The following NR3C2 variants were observed in gnomAD, a reference collection of about 807,000 sequenced individuals.
NR3C2 encodes the protein nuclear receptor subfamily 3 group C member 2.
A neutral mutation model predicts 86.4 loss-of-function variants in NR3C2; 15 were observed. The ratio of observed to expected loss-of-function variants is 0.17; its 90% CI spans 0.12 to 0.27. NR3C2 has a LOEUF of 0.27. Ranked by LOEUF, NR3C2 falls within the 10% of genes least tolerant of loss-of-function variation. The pLI is 1.00. For synonymous variants in NR3C2, 458 were observed against 450.5 expected (o/e 1.02, Z -0.21); for missense variants, 960 against 1,195.6 (o/e 0.80, Z 2.91).
Position 148,356,492 on chromosome 4 carries a change from C to T in NR3C2, c.1757+78612G>A, listed in dbSNP as rs72656858. Among the ~76,000 whole-genome samples the T allele has an allele frequency of 3.0e-3, 462 of 152,298 alleles. 1 individual carries two copies. The highest frequency in any genetic ancestry group is 8.0e-3 in the Admixed American group (123 of 15,296). ...TGTAGTGCCATTCATAAAGGTGTCA[C>T]ATCTATGCTATACTGTATTAAGCCA... On this transcript the variant is annotated intron_variant, in intron 2 of 8. Transcript: ENST00000358102.
intron 1 of NR3C2, among the ~76,000 whole-genome samples, chr4:148,437,778 C>T (rs540343266): frequency 1.3e-5 from 2 of 152,130 alleles, no homozygotes; most frequent in Non-Finnish European, 2.9e-5. Context: ...CAAGTGCCTG[C>T]TACACCCTTG....
intron 2 of NR3C2, among the ~76,000 whole-genome samples, chr4:148,280,828 T>C (rs1309426082): frequency 6.6e-6 from 1 of 152,232 alleles, no homozygotes; most frequent in Non-Finnish European, 1.5e-5. Context: ...AGAATGCGTA[T>C]ACACCTGTGC....
chr4:148,366,878 G>A (rs1200986528), intron 2 of NR3C2, among the ~76,000 whole-genome samples: 1 of 152,112 alleles, frequency 6.6e-6, no homozygotes, highest in African/African-American at 2.4e-5. Context: ...TAAGAGAATA[G>A]CTAGATGTAT....
At chr4:148,251,724 A>AT (rs892875955) in intron 3 of NR3C2, among the ~76,000 whole-genome samples, 24 of 152,124 alleles carry the variant, frequency 1.6e-4, no homozygotes, top group African/African-American at 5.3e-4. Flanking sequence ...AGTAATGGTA[A>AT]TTTTTTTTAT....
rs565358914 is a variant in NR3C2, at chr4:148,321,809, T to C, written c.1758-61692A>G. The stretch of plus-strand genomic sequence containing the variant: ...GATGGGTTTCCTGAATACAGCACAC[T>C]GTTGGGTCTTGACTCTTTATGCAAT... On this transcript the variant is annotated intron_variant, in intron 2 of 8. Transcript: ENST00000358102. Among the ~76,000 whole-genome samples, 80 of 152,364 alleles carry C rather than the reference T, an allele frequency of 5.3e-4. 3 individuals are homozygous for C. Among genetic ancestry groups the C allele is most frequent in the Admixed American group, 4.9e-3 (75 of 15,310 alleles).
chr4:148,136,056 CAAAAAAA>C (rs199716496), intron 6 of NR3C2, among the ~76,000 whole-genome samples: 2 of 71,182 alleles, frequency 2.8e-5, no homozygotes, highest in Admixed American at 1.4e-4. Context: ...GACTCCGTCT[CAAAAAAA>C]AAAAAAAAAA....
At chr4:148,309,633 T>C (rs1742810475) in intron 2 of NR3C2, among the ~76,000 whole-genome samples, 1 of 152,030 alleles carries the variant, frequency 6.6e-6, no homozygotes, top group Non-Finnish European at 1.5e-5. Flanking sequence ...ATTTTGCCCT[T>C]AAAAAACCCA....
chr4:148,090,651 G>T (rs1186706800), intron 8 of NR3C2, among the ~76,000 whole-genome samples: 2 of 152,184 alleles, frequency 1.3e-5, no homozygotes, highest in Non-Finnish European at 2.9e-5. Flanking sequence ...GCATCACCCA[G>T]GAGATGCTGA....
At chr4:148,166,531 A>G (rs980976573) in intron 4 of NR3C2, among the ~76,000 whole-genome samples, 5 of 152,210 alleles carry the variant, frequency 3.3e-5, no homozygotes, top group Non-Finnish European at 7.3e-5. Context: ...AGCTGGCTGA[A>G]CAAATGCCTC....
chr4:148,143,012 T>G (rs1196850805), intron 6 of NR3C2, among the ~76,000 whole-genome samples: 1 of 152,218 alleles, frequency 6.6e-6, no homozygotes, highest in Non-Finnish European at 1.5e-5. Context: ...ATGCCGGTGC[T>G]ATGCCTCCTG....
At chr4:148,232,310 C>G (rs371862752) in intron 3 of NR3C2, among the ~76,000 whole-genome samples, 1 of 152,336 alleles carries the variant, frequency 6.6e-6, no homozygotes, top group East Asian at 1.9e-4. Flanking sequence ...GATCCATGGA[C>G]TGCAGAATGG....
intron 2 of NR3C2, among the ~76,000 whole-genome samples, chr4:148,430,403 G>A (rs72645618): frequency 3.5e-4 from 53 of 152,120 alleles, no homozygotes; most frequent in African/African-American, 1.3e-3. Flanking sequence ...AGTGATTTGT[G>A]TATTATAAAA....
chr4:148,119,763 G>A (rs1732429365), intron 7 of NR3C2, among the ~76,000 whole-genome samples: 1 of 145,680 alleles, frequency 6.9e-6, no homozygotes, highest in Admixed American at 6.9e-5. Context: ...TCTGGCCTGG[G>A]CAACAGAGCA....
intron 8 of NR3C2, among the ~76,000 whole-genome samples, chr4:148,103,109 A>G (rs17024387): frequency 0.74 from 112,031 of 152,010 alleles, 41,672 homozygotes; most frequent in African/African-American, 0.8. Context: ...AATAGCTTCC[A>G]TCTATGTGGC....
rs866099035 is a variant in NR3C2, at chr4:148,161,697, G to A, written c.2015-6796C>T. Among the ~76,000 whole-genome samples, 20 of 152,160 alleles carry A rather than the reference G, an allele frequency of 1.3e-4. No individual in the cohort carries two copies. The Middle Eastern group carries it at 0.01, about 78-fold the overall frequency. On this transcript the variant is annotated intron_variant, in intron 4 of 8. Coordinates refer to ENST00000358102, the MANE Select transcript of NR3C2 (RefSeq NM_000901.5). ...TAATAAATATAAATTTGTTGCAATTGTTATATGTTTATTACTTAGCAAATA... is the reference window on the plus strand; with the variant it reads ...TAATAAATATAAATTTGTTGCAATTATTATATGTTTATTACTTAGCAAATA...
chr4:148,442,471 C>G (rs1157442488), upstream of NR3C2: 1 of 194,320 alleles, frequency 5.1e-6, no homozygotes, highest in Non-Finnish European at 9.4e-6. Context: ...GGAGAGAGGG[C>G]GGGCGAAAGC....
At chr4:148,112,008 C>T (rs939925175) in intron 8 of NR3C2, among the ~76,000 whole-genome samples, 5 of 152,034 alleles carry the variant, frequency 3.3e-5, no homozygotes, top group African/African-American at 9.7e-5. Context: ...TTAAGAAACC[C>T]CCACAGACAC....
chr4:148,401,782 T>C (rs1043727342), intron 2 of NR3C2, among the ~76,000 whole-genome samples: 7 of 152,066 alleles, frequency 4.6e-5, no homozygotes, highest in Admixed American at 6.6e-5. Flanking sequence ...TTTCTTGAAA[T>C]AGACACCATC....
chr4:148,117,520 C>T (rs905589629), intron 7 of NR3C2, among the ~76,000 whole-genome samples: 12 of 113,724 alleles, frequency 1.1e-4, no homozygotes, highest in African/African-American at 3.4e-4. Context: ...GGATACTCAA[C>T]ATATCACACT....
Sources: gnomAD v4.1 joint callset for allele counts (sites outside exome capture counted in the v4.1 genomes callset) on GRCh38, gnomAD v4.1.1 for gene constraint, MANE v1.5 for transcripts, NCBI Gene and HGNC (gene_info 2026-07-23, HGNC 2026-07-21) for gene names.